Variants in RNF180 observed in about 807,000 individuals in gnomAD.
RNF180 encodes E3 ubiquitin-protein ligase RNF180.
Under a neutral mutation model 59.2 loss-of-function variants are expected in RNF180, and 38 were observed. The ratio of observed to expected loss-of-function variants is 0.64; its 90% CI spans 0.50 to 0.84. The LOEUF is 0.84. Among genes scored for constraint, RNF180 ranks in the 40% least tolerant of loss-of-function variants. The pLI, the probability that RNF180 is intolerant of heterozygous loss-of-function variation, is 0.00. For missense variants in RNF180, 705 were observed against 700.9 expected (o/e 1.01, Z -0.07); for synonymous variants, 262 against 240.3 (o/e 1.09, Z -0.84).
At chr5:64,229,889 T>C (rs947397973) in intron 5 of RNF180, among the ~76,000 whole-genome samples, 18 of 152,236 alleles carry the variant, frequency 1.2e-4, no homozygotes, top group Non-Finnish European at 2.2e-4. Flanking sequence ...CAGAGTTTCT[T>C]AACTTGGGTT....
chr5:64,332,680 A>G (rs986532831), intron 7 of RNF180, among the ~76,000 whole-genome samples: 6 of 152,252 alleles, frequency 3.9e-5, no homozygotes, highest in Non-Finnish European at 8.8e-5. Flanking sequence ...TACTATATGA[A>G]CATACAATAT....
intron 7 of RNF180, among the ~76,000 whole-genome samples, chr5:64,363,410 T>A (rs1318622865): frequency 6.6e-6 from 1 of 151,848 alleles, no homozygotes; most frequent in Non-Finnish European, 1.5e-5. Context: ...TGTAGATGTG[T>A]GGCCTTATTT....
At chr5:64,187,285 C>T (rs1321674082) in intron 1 of RNF180, among the ~76,000 whole-genome samples, 1 of 152,148 alleles carries the variant, frequency 6.6e-6, no homozygotes, top group Admixed American at 6.5e-5. Flanking sequence ...ATGACAAATT[C>T]ATACTACTTT....
chr5:64,320,398 T>G (rs1033448190), intron 5 of RNF180, among the ~76,000 whole-genome samples: 6 of 152,184 alleles, frequency 3.9e-5, no homozygotes, highest in African/African-American at 1.4e-4. Flanking sequence ...ATGAGTGAAG[T>G]AAGTCCTTCA....
chr5:64,292,648 G>C lies in RNF180; in HGVS notation c.1228-32538G>C, dbSNP rs150165148. 4.3e-3 allele frequency among the ~76,000 whole-genome samples: 662 copies of C among 152,304 alleles called. 4 individuals are homozygous for C. The highest frequency in any genetic ancestry group is 0.016 in the African/African-American group (646 of 41,564). On this transcript the variant is annotated intron_variant, in intron 5 of 7. Coordinates refer to ENST00000389100, the MANE Select transcript of RNF180 (RefSeq NM_001113561.2). ...TTAAAGAAATAGGCTGGCTGATTTTGAGAACAGCAGCTGTGCTGCACTGGG... is the reference window on the plus strand; with the variant it reads ...TTAAAGAAATAGGCTGGCTGATTTTCAGAACAGCAGCTGTGCTGCACTGGG...
At chr5:64,240,001 T>G (rs1270338776) in intron 5 of RNF180, among the ~76,000 whole-genome samples, 3 of 152,176 alleles carry the variant, frequency 2.0e-5, no homozygotes, top group Non-Finnish European at 4.4e-5. Context: ...CAAATGGGTT[T>G]GAACATATTT....
At chr5:64,303,773 T>G (rs1466436540) in intron 5 of RNF180, among the ~76,000 whole-genome samples, 2 of 151,644 alleles carry the variant, frequency 1.3e-5, no homozygotes, top group Admixed American at 1.3e-4. Flanking sequence ...TGCACCAAGT[T>G]ATCTAGAAGG....
chr5:64,203,316 A>G (rs565690192), intron 2 of RNF180, among the ~76,000 whole-genome samples: 2 of 152,324 alleles, frequency 1.3e-5, no homozygotes, highest in East Asian at 1.9e-4. Flanking sequence ...GTGAACATAT[A>G]TATGTTTGTG....
At chr5:64,255,452 T>C (rs1449369779) in intron 5 of RNF180, among the ~76,000 whole-genome samples, 1 of 152,166 alleles carries the variant, frequency 6.6e-6, no homozygotes. Flanking sequence ...ATGTGGTGTA[T>C]GGTTTTTTGT....
At chr5:64,230,092 A>C (rs536441417) in intron 5 of RNF180, among the ~76,000 whole-genome samples, 2 of 152,294 alleles carry the variant, frequency 1.3e-5, no homozygotes, top group South Asian at 4.1e-4. Flanking sequence ...TGGGTAGTCT[A>C]TTTAGGTTGT....
In RNF180 at chr5:64,364,434, G is replaced by A. The variant is rs146310151; in HGVS notation, c.1580-5181G>A. On this transcript the variant is annotated intron_variant, in intron 7 of 7. Transcript: ENST00000389100. ...CCAGGGATAAAGCCTACTTGTTTGT[G>A]GTGGACTCGCTTTTTGATGTGCTGA... 8.7e-3 allele frequency among the ~76,000 whole-genome samples: 1,322 copies of A among 151,894 alleles called. 15 individuals carry two copies. The highest frequency in any genetic ancestry group is 0.031 in the Middle Eastern group (9 of 294).
intron 5 of RNF180, among the ~76,000 whole-genome samples, chr5:64,283,209 G>A (rs1433692898): frequency 2.0e-5 from 3 of 152,264 alleles, no homozygotes; most frequent in East Asian, 3.9e-4. Context: ...ATTTAGGATA[G>A]ATACATCTTG....
chr5:64,331,963 C>T lies in RNF180; in HGVS notation c.1579+1557C>T, dbSNP rs531363600. 8.5e-5 allele frequency among the ~76,000 whole-genome samples: 13 copies of T among 152,226 alleles called. No homozygotes were observed. In the South Asian group the frequency reaches 2.5e-3, roughly 29 times the overall value. On this transcript the variant is annotated intron_variant, in intron 7 of 7. Transcript: ENST00000389100. ...GCCGCATGAAGTATATCTCATCCAGCCACAGCCACACACAGAGCCAACACC... is the reference window on the plus strand; with the variant it reads ...GCCGCATGAAGTATATCTCATCCAGTCACAGCCACACACAGAGCCAACACC...
chr5:64,355,649 C>T (rs1037946376), intron 7 of RNF180, among the ~76,000 whole-genome samples: 1 of 151,830 alleles, frequency 6.6e-6, no homozygotes, highest in African/African-American at 2.4e-5. Flanking sequence ...TCAAAACTTA[C>T]TACAAAGCTA....
At chr5:64,279,426 G>A (rs1741890143) in intron 5 of RNF180, among the ~76,000 whole-genome samples, 1 of 152,126 alleles carries the variant, frequency 6.6e-6, no homozygotes, top group Admixed American at 6.5e-5. Context: ...ATCCAGAGAG[G>A]GGTTTTTCTG....
intron 5 of RNF180, among the ~76,000 whole-genome samples, chr5:64,244,421 G>A (rs940469212): frequency 1.3e-5 from 2 of 150,378 alleles, no homozygotes; most frequent in Non-Finnish European, 3.0e-5. Context: ...AAAAAAAACA[G>A]CATGAAAAGT....
At chr5:64,187,287 T>C (rs1750918357) in intron 1 of RNF180, among the ~76,000 whole-genome samples, 1 of 152,314 alleles carries the variant, frequency 6.6e-6, no homozygotes, top group African/African-American at 2.4e-5. Context: ...GACAAATTCA[T>C]ACTACTTTTT....
chr5:64,252,187 A>G (rs1270085755), intron 5 of RNF180, among the ~76,000 whole-genome samples: 1 of 152,188 alleles, frequency 6.6e-6, no homozygotes, highest in Non-Finnish European at 1.5e-5. Flanking sequence ...AAACACATAT[A>G]CCAATGGATC....
chr5:64,224,065 GTGT>G (rs1741518685), intron 5 of RNF180, among the ~76,000 whole-genome samples: 1 of 96,566 alleles, frequency 1.0e-5, no homozygotes, highest in African/African-American at 4.2e-5. Context: ...AGGTTGGGGT[GTGT>G]GTGTGTGTGT....
Sources: allele counts gnomAD v4.1 joint callset (sites outside exome capture counted in the v4.1 genomes callset), GRCh38; gene constraint gnomAD v4.1.1; transcripts MANE v1.5; gene names NCBI Gene and HGNC (gene_info 2026-07-23, HGNC 2026-07-21).